The following STPG2 variants were observed in gnomAD, a reference collection of about 807,000 sequenced individuals.
STPG2 encodes the protein sperm-tail PG-rich repeat-containing protein 2.
In STPG2, 56 loss-of-function variants were observed where a neutral mutation model predicts 54.2. The ratio of observed to expected loss-of-function variants is 1.03; its 90% confidence interval spans 0.83 to 1.29. The LOEUF is 1.29. STPG2 is among the 50% of genes most tolerant of loss of function. STPG2 has a pLI of 0.00. For synonymous variants in STPG2, 200 were observed against 181.8 expected (o/e 1.10, Z -0.81); for missense variants, 596 against 544.9 (o/e 1.09, Z -0.93).
At chr4:97,837,455 A>G (rs916714390) in intron 9 of STPG2, among the ~76,000 whole-genome samples, 1 of 151,784 alleles carries the variant, frequency 6.6e-6, no homozygotes, top group African/African-American at 2.4e-5. Context: ...AGATAAAGTG[A>G]TGCTTAAATA....
chr4:97,801,549 G>T, intron 9 of STPG2, among the ~76,000 whole-genome samples: 1 of 152,166 alleles, frequency 6.6e-6, no homozygotes, highest in East Asian at 1.9e-4. Context: ...TGCAAACCAG[G>T]CACAAATCTA....
intron 7 of STPG2, among the ~76,000 whole-genome samples, chr4:97,944,535 C>T (rs552530075): frequency 2.0e-5 from 3 of 151,826 alleles, no homozygotes; most frequent in African/African-American, 7.3e-5. Context: ...TTTCAATGAG[C>T]AATTAATCCT....
intron 9 of STPG2, among the ~76,000 whole-genome samples, chr4:97,791,818 A>G (rs2149081172): frequency 6.6e-6 from 1 of 152,162 alleles, no homozygotes; most frequent in Non-Finnish European, 1.5e-5. Flanking sequence ...AAGCATAACA[A>G]ATAAAAAAAA....
intron 8 of STPG2, among the ~76,000 whole-genome samples, chr4:97,887,129 A>G (rs974231773): frequency 6.6e-6 from 1 of 152,202 alleles, no homozygotes; most frequent in Non-Finnish European, 1.5e-5. Flanking sequence ...ATAGCAATGC[A>G]AGAACAGACC....
chr4:97,932,423 T>C (rs1732585464), intron 8 of STPG2, among the ~76,000 whole-genome samples: 1 of 152,162 alleles, frequency 6.6e-6, no homozygotes, highest in Non-Finnish European at 1.5e-5. Context: ...GTCACATAGA[T>C]AAAAGTGTGC....
At chr4:97,546,234 A>C (rs1731830646) in intron 4 of STPG2, among the ~76,000 whole-genome samples, 1 of 152,008 alleles carries the variant, frequency 6.6e-6, no homozygotes, top group Non-Finnish European at 1.5e-5. Flanking sequence ...ATTATATATA[A>C]AATAATGAAT....
intron 8 of STPG2, among the ~76,000 whole-genome samples, chr4:97,889,298 T>C (rs530746567): frequency 6.6e-6 from 1 of 152,278 alleles, no homozygotes; most frequent in African/African-American, 2.4e-5. Flanking sequence ...AACATATGAC[T>C]TATCAGTCCT....
chr4:97,874,654 A>G (rs1730109849), intron 8 of STPG2, among the ~76,000 whole-genome samples: 1 of 151,736 alleles, frequency 6.6e-6, no homozygotes, highest in Non-Finnish European at 1.5e-5. Context: ...ACTCAGCATT[A>G]TGATGCTGAA....
chr4:97,639,374 T>TG (rs1292013900), intron 10 of STPG2, among the ~76,000 whole-genome samples: 2 of 151,568 alleles, frequency 1.3e-5, no homozygotes, highest in African/African-American at 4.8e-5. Context: ...GGGATGGCAT[T>TG]GGGAGATATA....
chr4:97,977,137 C>T (rs999424809), intron 6 of STPG2, among the ~76,000 whole-genome samples: 5 of 152,216 alleles, frequency 3.3e-5, no homozygotes, highest in African/African-American at 1.2e-4. Context: ...AGAGAAGACC[C>T]CTTGCCTCTC....
At position 98,053,461 on chromosome 4, in the gene STPG2, C is replaced by T. The variant is rs377606853; in HGVS notation, c.612+52492G>A. 9.2e-5 allele frequency among the ~76,000 whole-genome samples: 14 copies of T among 152,146 alleles called. 1 individual carries two copies. In the South Asian group the frequency reaches 2.9e-3, roughly 32 times the overall value. ...TATAGACACTTCCAGCAGAGACAAA[C>T]TCTATTAGAGCCATTAACTATAGCT... On this transcript the variant is annotated intron_variant, in intron 5 of 10. Transcript: ENST00000295268.
intron 5 of STPG2, among the ~76,000 whole-genome samples, chr4:98,043,826 C>T (rs1419767221): frequency 6.6e-6 from 1 of 151,744 alleles, no homozygotes; most frequent in Non-Finnish European, 1.5e-5. Flanking sequence ...TATAGGTAAA[C>T]TCATGTCATG....
intron 8 of STPG2, among the ~76,000 whole-genome samples, chr4:97,904,402 T>C (rs1387333350): frequency 6.6e-6 from 1 of 152,156 alleles, no homozygotes; most frequent in East Asian, 1.9e-4. Context: ...TCCTGTCTGT[T>C]AAAAGGAAAA....
intron 10 of STPG2, among the ~76,000 whole-genome samples, chr4:97,571,572 C>G (rs1012229123): frequency 6.6e-6 from 1 of 152,146 alleles, no homozygotes; most frequent in Non-Finnish European, 1.5e-5. Context: ...TTCTATTGAT[C>G]CCAGGTCTTT....
At position 98,090,713 on chromosome 4, in the gene STPG2, G is replaced by A. The variant is rs140732810; in HGVS notation, c.612+15240C>T. ...GCATGGGATATGTTTCCTTTTGTTTGTGTCATCTATTAATCCTGACACTTT... is the reference window on the plus strand; with the variant it reads ...GCATGGGATATGTTTCCTTTTGTTTATGTCATCTATTAATCCTGACACTTT... On this transcript the variant is annotated intron_variant, in intron 5 of 10. Coordinates refer to ENST00000295268, the MANE Select transcript of STPG2 (RefSeq NM_174952.3). 5.5e-4 allele frequency among the ~76,000 whole-genome samples: 83 copies of A among 151,938 alleles called. 2 individuals carry two copies. The East Asian group carries it at 0.013, about 24-fold the overall frequency.
At chr4:98,106,445 T>C (rs1739191810) in intron 4 of STPG2, among the ~76,000 whole-genome samples, 1 of 152,134 alleles carries the variant, frequency 6.6e-6, no homozygotes, top group African/African-American at 2.4e-5. Context: ...CTATGCTATT[T>C]ATATCATAAA....
chr4:97,981,349 G>C (rs766220231), intron 5 of STPG2, 31 bp from the exon 6 acceptor site: 11 of 1,610,214 alleles, frequency 6.8e-6, no homozygotes, highest in African/African-American at 6.7e-5. Flanking sequence ...ATGCCAATAA[G>C]AAAGTATAGT....
intron 5 of STPG2, among the ~76,000 whole-genome samples, chr4:97,989,443 T>C (rs1281127489): frequency 3.3e-5 from 5 of 152,270 alleles, no homozygotes; most frequent in Middle Eastern, 6.8e-3. Flanking sequence ...ACTATGTTTT[T>C]TTCTATACAT....
chr4:97,570,026 A>T (rs1192425178), intron 10 of STPG2, among the ~76,000 whole-genome samples: 3 of 152,114 alleles, frequency 2.0e-5, no homozygotes, highest in Non-Finnish European at 2.9e-5. Context: ...TCATAAGGAA[A>T]TACCAGAAAA....
Sources: allele counts gnomAD v4.1 joint callset (sites outside exome capture counted in the v4.1 genomes callset), GRCh38; gene constraint gnomAD v4.1.1; transcripts MANE v1.5; gene names NCBI Gene and HGNC (gene_info 2026-07-23, HGNC 2026-07-21).